INPP5F: variants seen among roughly 807,000 people sequenced by gnomAD.
INPP5F encodes the protein inositol polyphosphate-5-phosphatase F.
INPP5F carries 97 observed loss-of-function variants against 137.2 expected under a neutral mutation model. The observed-to-expected ratio is 0.71, with a 90% CI of 0.60 to 0.84. The LOEUF (loss-of-function observed/expected upper bound fraction) is 0.84. Among genes scored for constraint, INPP5F ranks in the 40% least tolerant of loss-of-function variants. The pLI is 0.00. For missense variants in INPP5F, 1,271 were observed against 1,371.9 expected (o/e 0.93, Z 1.16); for synonymous variants, 504 against 476.9 (o/e 1.06, Z -0.74).
chr10:119,726,314 G>T lies in INPP5F; in HGVS notation c.52G>T (p.Ala18Ser). ...DHYILQQGERALWCSRRDGGL... is the reference protein window; with the variant it reads ...DHYILQQGERSLWCSRRDGGL... ...CTACATCCTGCAGCAGGGCGAGCGC[G>T]CGCTGTGGTGCAGCCGCCGCGACGG... Residue 18 changes from alanine to serine, a missense_variant, in exon 1 of 20, where the codon GCG becomes TCG. By Grantham distance (99) the Ala-to-Ser change is moderately conservative. Transcript: ENST00000650623. 2 of 1,480,782 alleles carry T rather than the reference G, an allele frequency of 1.4e-6. No individual in the cohort carries two copies. The highest frequency in any genetic ancestry group is 9.0e-7 in the Non-Finnish European group (1 of 1,113,946). 91.7% of individuals were successfully genotyped at this position (1,480,782 alleles called of 1,614,324 possible). A position where few individuals can be genotyped will look rare whatever the true frequency, so the allele number is the denominator to read the frequency against.
intron 3 of INPP5F, among the ~76,000 whole-genome samples, chr10:119,786,005 G>A (rs1378913530): frequency 1.3e-5 from 2 of 152,140 alleles, no homozygotes; most frequent in East Asian, 1.9e-4. Flanking sequence ...TCTTATTTGC[G>A]TATCTCATTG....
rs1249359471 is a variant in INPP5F, at chr10:119,806,451, G to A, written c.1411G>A (p.Ala471Thr). 2 of 1,608,168 alleles carry A rather than the reference G, an allele frequency of 1.2e-6. No individual in the cohort carries two copies. The highest frequency in any genetic ancestry group is 2.7e-5 in the African/African-American group (2 of 74,756). The part of the protein sequence containing the change: ...CLDRTNVVQA[A>T]IARVVMEQQL... ...GGATCGCACCAACGTGGTCCAAGCT[G>A]CCATCGCGAGAGTGGTCATGGAACA... is the stretch of plus-strand genomic sequence containing the variant. The change falls in exon 12 of 20, where the codon GCC becomes ACC. Residue 471 changes from alanine to threonine, a missense_variant. Around this residue, in one of 6 missense-constraint regions of INPP5F, gnomAD observed 593 missense variants for 712.4 expected, o/e 0.83. Coordinates refer to ENST00000650623, the MANE Select transcript of INPP5F (RefSeq NM_014937.4).
Position 119,811,827 on chromosome 10 carries a change from T to C in INPP5F, c.1758T>C (p.Ala586=). The C allele has an allele frequency of 6.2e-7, 1 of 1,614,154 alleles. No homozygotes were observed. Among genetic ancestry groups the C allele is most frequent in the Non-Finnish European group, 8.5e-7 (1 of 1,179,970 alleles). The change falls in exon 15 of 20, where the codon GCT becomes GCC. Residue 586 remains alanine (A), a synonymous_variant. Transcript: ENST00000650623. Reference sequence around the variant, plus strand: ...TTACCAAGGAGAAAGAACATGAAGCTTTGCATAAGGAAAATCAGAGAAGCC... The same window carrying C: ...TTACCAAGGAGAAAGAACATGAAGCCTTGCATAAGGAAAATCAGAGAAGCC... ...SIFTKEKEHE[A]LHKENQRSHQ... is the part of the protein sequence containing the mutation.
At position 119,751,093 on chromosome 10, in the gene INPP5F, G is replaced by A; in HGVS notation, c.115G>A (p.Ala39Thr). 16 of 1,608,724 alleles carry A rather than the reference G, an allele frequency of 9.9e-6. No individual in the cohort carries two copies. The highest frequency in any genetic ancestry group is 1.4e-5 in the Non-Finnish European group (16 of 1,175,274). ...TATTTTAGCTACTGATCTACTTCTT[G>A]CCTGGAATCCCATTTGTTTGGGGTT... The part of the protein sequence containing the change: ...QLRPATDLLL[A>T]WNPICLGLVE... Residue 39 changes from alanine (A) to threonine (T), a missense_variant, in exon 2 of 20, where the codon GCC becomes ACC. This residue lies in a region of INPP5F where 109 missense variants were observed against 105.1 expected (regional missense o/e 1.04). Transcript: ENST00000650623.
At chr10:119,768,981 T>C (rs73355825) in intron 2 of INPP5F, among the ~76,000 whole-genome samples, 272 of 152,356 alleles carry the variant, frequency 1.8e-3, no homozygotes, top group African/African-American at 6.2e-3. Context: ...ATTTCTCCTG[T>C]TCTCCTTATG....
chr10:119,813,644 A>C (rs1174374297), intron 15 of INPP5F, among the ~76,000 whole-genome samples: 1 of 151,934 alleles, frequency 6.6e-6, no homozygotes, highest in African/African-American at 2.4e-5. Flanking sequence ...AAAACAAAAC[A>C]AACAAAAAAA....
At position 119,726,173 on chromosome 10, in the gene INPP5F, C is replaced by G; in HGVS notation, c.-90C>G. 1 of 790,574 alleles carries G rather than the reference C, an allele frequency of 1.3e-6. No homozygotes were observed. The allele number at this position is 790,574 out of a possible 1,614,324, so 49.0% of individuals were successfully genotyped here. A position where few individuals can be genotyped will look rare whatever the true frequency, so the allele number is the denominator to read the frequency against. On this transcript the variant is annotated 5_prime_UTR_variant, in exon 1 of 20. Transcript: ENST00000650623. ...CGGCGCGGTTCCTACCCGGCCGCTC[C>G]CCGAGGCGCGGGCTCTGGCGGCCTC...
intron 2 of INPP5F, among the ~76,000 whole-genome samples, chr10:119,766,292 A>G (rs1404574792): frequency 6.6e-6 from 1 of 152,198 alleles, no homozygotes; most frequent in Non-Finnish European, 1.5e-5. Context: ...TCTTCTGGAA[A>G]TACCCTCAGA....
intron 2 of INPP5F, among the ~76,000 whole-genome samples, chr10:119,772,590 C>A (rs561134006): frequency 6.6e-6 from 1 of 152,026 alleles, no homozygotes; most frequent in South Asian, 2.1e-4. Context: ...ATCATGCTTC[C>A]GAAGGTCCTT....
chr10:119,737,166 C>T (rs1296191409), intron 1 of INPP5F, among the ~76,000 whole-genome samples: 1 of 152,192 alleles, frequency 6.6e-6, no homozygotes, highest in Non-Finnish European at 1.5e-5. Context: ...TATCTTTAAT[C>T]TTTTAAATAT....
At position 119,820,935 on chromosome 10, in the gene INPP5F, T is replaced by G. The variant is rs1851536388; in HGVS notation, c.1958+18T>G. The G allele has an allele frequency of 1.3e-6, 2 of 1,515,000 alleles. No homozygotes were observed. The highest frequency in any genetic ancestry group is 1.4e-5 in the African/African-American group (1 of 72,506). The allele number at this position is 1,515,000 out of a possible 1,614,324, so 93.8% of individuals were successfully genotyped here. On this transcript the variant is annotated intron_variant, in intron 16 of 19. Transcript: ENST00000650623. ...GTGGCCTAGTAAGTTGCTTATTGAT[T>G]TAAAGGTTTTGATTTTGTTTTTTAA...
chr10:119,809,923 C>T (rs1192952187), intron 13 of INPP5F, among the ~76,000 whole-genome samples, 177 bp from the exon 14 acceptor site: 2 of 152,196 alleles, frequency 1.3e-5, no homozygotes, highest in East Asian at 3.8e-4. Flanking sequence ...AAGCTTAGAT[C>T]AGGGTAGAAT....
intron 3 of INPP5F, among the ~76,000 whole-genome samples, chr10:119,786,031 G>A (rs761992729): frequency 2.0e-5 from 3 of 152,108 alleles, no homozygotes; most frequent in South Asian, 2.1e-4. Context: ...ATGGATAACC[G>A]CATCATTTTC....
intron 1 of INPP5F, among the ~76,000 whole-genome samples, chr10:119,740,701 C>T (rs1848347930): frequency 6.6e-6 from 1 of 152,156 alleles, no homozygotes; most frequent in African/African-American, 2.4e-5. Context: ...TGCCACCACA[C>T]CCAGCTAATT....
chr10:119,753,564 C>G (rs939340155), intron 2 of INPP5F, among the ~76,000 whole-genome samples: 19 of 152,172 alleles, frequency 1.2e-4, no homozygotes, highest in Non-Finnish European at 1.5e-5. Flanking sequence ...CTCCATGTCT[C>G]TCATCTCACA....
At chr10:119,776,683 T>G (rs1849532859) in intron 2 of INPP5F, among the ~76,000 whole-genome samples, 1 of 151,664 alleles carries the variant, frequency 6.6e-6, no homozygotes, top group Admixed American at 6.6e-5. Flanking sequence ...TGTGTATGTG[T>G]GTTTGTGTGT....
At chr10:119,790,926 C>T (rs1039569515) in intron 3 of INPP5F, among the ~76,000 whole-genome samples, 1 of 152,172 alleles carries the variant, frequency 6.6e-6, no homozygotes, top group Non-Finnish European at 1.5e-5. Context: ...CTCCTGCAGC[C>T]CCTAATTACT....
At chr10:119,784,002 T>C (rs923849154) in intron 3 of INPP5F, among the ~76,000 whole-genome samples, 30 of 152,254 alleles carry the variant, frequency 2.0e-4, no homozygotes, top group African/African-American at 7.0e-4. Context: ...ATTTACACTT[T>C]TGCCATTTTT....
chr10:119,754,617 G>A (rs912593872), intron 2 of INPP5F, among the ~76,000 whole-genome samples: 14 of 151,850 alleles, frequency 9.2e-5, no homozygotes, highest in African/African-American at 3.1e-4. Flanking sequence ...TTCTTGTCAC[G>A]TCACTTGAAC....
Sources: allele counts gnomAD v4.1 joint callset (sites outside exome capture counted in the v4.1 genomes callset), GRCh38; gene constraint gnomAD v4.1.1; regional missense constraint gnomAD v4.1.1; transcripts MANE v1.5; gene names NCBI Gene and HGNC (gene_info 2026-07-23, HGNC 2026-07-21).